PRELID3A: variants seen among roughly 807,000 people sequenced by gnomAD.
PRELID3A encodes PRELI domain containing 3A, also known as PRELI domain containing protein 3A.
Under a neutral mutation model 23.0 loss-of-function variants are expected in PRELID3A, and 27 were observed. The observed-to-expected ratio is 1.17, with a 90% confidence interval of 0.87 to 1.62. The LOEUF is 1.62. Ranked by LOEUF, PRELID3A falls within the 40% of genes most tolerant of loss-of-function variation. PRELID3A has a pLI of 0.00. For synonymous variants in PRELID3A, 87 were observed against 86.4 expected (o/e 1.01, Z -0.04); for missense variants, 231 against 231.4 (o/e 1.00, Z 0.01).
rs549659275 is a variant in PRELID3A at position 12,408,234 on chromosome 18, C to A, written c.32+227C>A. ...CTCTGCGCCGGGTACGGCCTCTCCC[C>A]CGGCGTGCGCAGGGGCCTGGCTGCA... On this transcript the variant is annotated intron_variant, in intron 1 of 6. Coordinates refer to ENST00000440960, the MANE Select transcript of PRELID3A (RefSeq NM_001142405.2). Among the ~76,000 whole-genome samples, 9 of 151,954 alleles carry A rather than the reference C, an allele frequency of 5.9e-5. No homozygotes were observed. The South Asian group carries it at 1.7e-3, about 28-fold the overall frequency.
chr18:12,423,574 T>C (rs1320812920), intron 3 of PRELID3A, among the ~76,000 whole-genome samples: 3 of 152,178 alleles, frequency 2.0e-5, no homozygotes, highest in African/African-American at 7.2e-5. Flanking sequence ...AAGCTTGCTT[T>C]GCACATCTTG....
intron 6 of PRELID3A, 43 bp downstream of exon 6, chr18:12,429,479 C>A: frequency 7.5e-7 from 1 of 1,339,052 alleles, no homozygotes; most frequent in Non-Finnish European, 1.1e-6. Context: ...CTTGCAGCCT[C>A]TTGTGACCCG....
At chr18:12,429,252 C>T (rs147672462) in intron 5 of PRELID3A, 98 bp from the exon 6 acceptor site, 35 of 976,512 alleles carry the variant, frequency 3.6e-5, no homozygotes, top group Admixed American at 5.4e-5. Context: ...GTAACTGCAG[C>T]GCTTGCCTTC....
At chr18:12,425,564 G>A (rs1189245634) in intron 3 of PRELID3A, among the ~76,000 whole-genome samples, 10 of 151,594 alleles carry the variant, frequency 6.6e-5, no homozygotes, top group African/African-American at 1.7e-4. Flanking sequence ...CCCAGAAGGC[G>A]GAGCTTGCAG....
chr18:12,423,752 C>T (rs948986579), intron 3 of PRELID3A, among the ~76,000 whole-genome samples: 5 of 152,164 alleles, frequency 3.3e-5, no homozygotes, highest in African/African-American at 1.2e-4. Flanking sequence ...GGCGGCCATG[C>T]GCAAGTACCC....
intron 3 of PRELID3A, 53 bp downstream of exon 3, chr18:12,421,682 C>T (rs1598861184): frequency 1.0e-5 from 12 of 1,199,718 alleles, no homozygotes; most frequent in East Asian, 9.3e-5. Flanking sequence ...GGTGGTGGTG[C>T]GTAAGGCCTT....
intron 1 of PRELID3A, among the ~76,000 whole-genome samples, chr18:12,413,918 G>A (rs891429292): frequency 6.6e-6 from 1 of 152,136 alleles, no homozygotes; most frequent in Non-Finnish European, 1.5e-5. Context: ...TTTATCTTTG[G>A]CAGCAAATGC....
intron 1 of PRELID3A, among the ~76,000 whole-genome samples, chr18:12,412,499 C>T (rs911281456): frequency 2.6e-5 from 4 of 152,240 alleles, no homozygotes; most frequent in African/African-American, 7.2e-5. Context: ...TATTGTTTTT[C>T]GAAAATCCAT....
chr18:12,419,101 A>C (rs1225842450), intron 1 of PRELID3A, among the ~76,000 whole-genome samples: 1 of 152,108 alleles, frequency 6.6e-6, no homozygotes, highest in Non-Finnish European at 1.5e-5. Context: ...AGGCAGGCGG[A>C]TCACGAGGTC....
At chr18:12,410,069 A>G (rs1909859809) in intron 1 of PRELID3A, among the ~76,000 whole-genome samples, 1 of 152,212 alleles carries the variant, frequency 6.6e-6, no homozygotes, top group Non-Finnish European at 1.5e-5. Flanking sequence ...TTGTTGGGAC[A>G]TTGCATGTAA....
chr18:12,421,521 G>C lies in PRELID3A; in HGVS notation c.202-19G>C. 6.5e-7 allele frequency: 1 copy of C among 1,528,638 alleles called. No individual in the cohort carries two copies. Among genetic ancestry groups the C allele is most frequent in the Non-Finnish European group, 9.1e-7 (1 of 1,102,154 alleles). 94.7% of individuals were successfully genotyped at this position (1,528,638 alleles called of 1,614,324 possible). A position where few individuals can be genotyped will look rare whatever the true frequency, so the allele number is the denominator to read the frequency against. ...GAATTTTTAACGTTCCACTATGCTA[G>C]TTTTGCTTTGTTTTCTAGATTTTGG... is the stretch of plus-strand genomic sequence containing the variant. On this transcript the variant is annotated intron_variant, in intron 2 of 6. Transcript: ENST00000440960.
At chr18:12,427,151 G>C (rs147046872) in intron 4 of PRELID3A, 40 bp downstream of exon 4, 2 of 1,599,146 alleles carry the variant, frequency 1.3e-6, no homozygotes, top group East Asian at 2.2e-5. Flanking sequence ...TGAATGCCAC[G>C]GGTGAGGGCA....
In PRELID3A at chr18:12,430,151, C is replaced by T. The variant is rs115891423; in HGVS notation, c.*33+715C>T. Reference sequence around the variant, plus strand: ...GCTGATTTTGCCTGAGTCACTGAAGCCACACTTTGCTCTCCTTGAACCCAA... The same window carrying T: ...GCTGATTTTGCCTGAGTCACTGAAGTCACACTTTGCTCTCCTTGAACCCAA... On this transcript the variant is annotated intron_variant, in intron 6 of 6. Transcript: ENST00000440960. Among the ~76,000 whole-genome samples the T allele has an allele frequency of 4.8e-3, 733 of 152,322 alleles. 3 individuals are homozygous for T. The highest frequency in any genetic ancestry group is 0.016 in the African/African-American group (659 of 41,568).
At chr18:12,430,960 G>C (rs1038037963) in intron 6 of PRELID3A, among the ~76,000 whole-genome samples, 190 bp from the exon 7 acceptor site, 2 of 150,846 alleles carry the variant, frequency 1.3e-5, no homozygotes, top group Non-Finnish European at 3.0e-5. Context: ...TGTGTGATTT[G>C]TGCATGTCTG....
chr18:12,427,320 G>C lies in PRELID3A; in HGVS notation c.462G>C (p.Lys154Asn). The part of the protein sequence containing the change: ...LMANTISSNA[K>N]KGWAAIEWII... The stretch of plus-strand genomic sequence containing the variant: ...CCAATACGATATCATCCAATGCAAA[G>C]AAGGTATGTATCTCAATCCTAGGAG... Residue 154 changes from lysine (K) to asparagine (N), a missense_variant, in exon 5 of 7, where the codon AAG becomes AAC. By Grantham distance (94) the Lys-to-Asn change is moderately conservative. Transcript: ENST00000440960. The C allele has an allele frequency of 6.2e-7, 1 of 1,602,744 alleles. No individual in the cohort carries two copies. Among genetic ancestry groups the C allele is most frequent in the South Asian group, 1.1e-5 (1 of 90,684 alleles).
chr18:12,421,560 A>G lies in PRELID3A; in HGVS notation c.222A>G (p.Thr74=), dbSNP rs762536187. The change falls in exon 3 of 7, where the codon ACA becomes ACG. Residue 74 remains threonine (T), a synonymous_variant. Coordinates refer to ENST00000440960, the MANE Select transcript of PRELID3A (RefSeq NM_001142405.2). ...TCTAGATTTTGGGAACCAGTAGGAC[A>G]TTGACATACATCCGAGAACATTCTG... ...LVRAILGTSR[T]LTYIREHSVV... 5 of 1,613,538 alleles carry G rather than the reference A, an allele frequency of 3.1e-6. No individual in the cohort carries two copies. Among genetic ancestry groups the G allele is most frequent in the Non-Finnish European group, 4.2e-6 (5 of 1,179,544 alleles).
chr18:12,429,858 A>G (rs2030508792), intron 6 of PRELID3A, among the ~76,000 whole-genome samples: 1 of 152,374 alleles, frequency 6.6e-6, no homozygotes, highest in South Asian at 2.1e-4. Context: ...GCCCCAAGCC[A>G]GTACATGGCC....
At chr18:12,426,345 G>C (rs959947619) in intron 3 of PRELID3A, among the ~76,000 whole-genome samples, 5 of 151,054 alleles carry the variant, frequency 3.3e-5, no homozygotes, top group African/African-American at 1.2e-4. Flanking sequence ...ACGAGGTCAG[G>C]AGATCGAGAC....
intron 5 of PRELID3A, among the ~76,000 whole-genome samples, chr18:12,428,404 C>G (rs1185771606): frequency 6.6e-6 from 1 of 152,170 alleles, no homozygotes; most frequent in East Asian, 1.9e-4. Flanking sequence ...CTTTGTCTGT[C>G]CCTCCTACCC....
Sources: gnomAD v4.1 joint callset for allele counts (sites outside exome capture counted in the v4.1 genomes callset) on GRCh38, gnomAD v4.1.1 for gene constraint, MANE v1.5 for transcripts, NCBI Gene and HGNC (gene_info 2026-07-23, HGNC 2026-07-21) for gene names.